P2RY8: variants seen among roughly 807,000 people sequenced by gnomAD.
P2RY8 encodes the protein P2Y receptor family member 8, also known as S-geranylgeranyl-glutathione receptor P2RY8.
In P2RY8, 6 loss-of-function variants were observed where a neutral mutation model predicts 10.0. The observed-to-expected ratio is 0.60, with a 90% CI of 0.33 to 1.19. The LOEUF is 1.19. Among genes scored for constraint, P2RY8 ranks in the 50% most tolerant of loss-of-function variants. P2RY8 has a pLI of 0.04. For missense variants in P2RY8, 456 were observed against 542.0 expected (o/e 0.84, Z 1.58); for synonymous variants, 276 against 252.5 (o/e 1.09, Z -0.88).
intron 1 of P2RY8, among the ~76,000 whole-genome samples, chrX:1,485,847 C>A (rs1603456840): frequency 1.3e-5 from 2 of 150,920 alleles, no homozygotes; most frequent in African/African-American, 4.9e-5. Context: ...TATAGATCAC[C>A]TTATGTGTAT....
rs1343798275 is a variant in P2RY8 at position 1,504,270 on chromosome X, G to GGC, written c.-25+32649_-25+32650dup. ...GGCGGAGGTTGCGGTGAGCCGAGAT[G>GGC]GCGCCACTGCACTCCAGCCTGGGCA... On this transcript the variant is annotated intron_variant, in intron 1 of 1. Transcript: ENST00000381297. 4.6e-5 allele frequency among the ~76,000 whole-genome samples: 7 copies of GGC among 151,384 alleles called. No homozygotes were observed. In the South Asian group the frequency reaches 1.3e-3, roughly 27 times the overall value.
intron 1 of P2RY8, among the ~76,000 whole-genome samples, chrX:1,512,130 A>G (rs2092302113): frequency 6.6e-6 from 1 of 151,986 alleles, no homozygotes; most frequent in Non-Finnish European, 1.5e-5. Flanking sequence ...TATAGCAAAC[A>G]ATGACCCCAC....
intron 1 of P2RY8, among the ~76,000 whole-genome samples, chrX:1,492,287 C>G (rs1462879432): frequency 6.6e-6 from 1 of 152,170 alleles, no homozygotes; most frequent in African/African-American, 2.4e-5. Context: ...CACCCTCACC[C>G]TGTTCATAAA....
intron 1 of P2RY8, among the ~76,000 whole-genome samples, chrX:1,489,713 C>A (rs1266285073): frequency 1.3e-5 from 2 of 149,842 alleles, no homozygotes; most frequent in Admixed American, 6.7e-5. Context: ...ATGAATGATA[C>A]CCAGATATTC....
intron 1 of P2RY8, among the ~76,000 whole-genome samples, chrX:1,532,990 G>A (rs1361451530): frequency 1.2e-5 from 1 of 86,140 alleles, no homozygotes; most frequent in East Asian, 4.0e-4. Flanking sequence ...GCAACAGAGT[G>A]AAACTCTGTC....
chrX:1,476,436 AAT>A (rs2091874376), intron 1 of P2RY8, among the ~76,000 whole-genome samples: 2 of 151,636 alleles, frequency 1.3e-5, no homozygotes, highest in African/African-American at 4.8e-5. Flanking sequence ...AGAAAAAAAA[AAT>A]TAGCCGGGCG....
intron 1 of P2RY8, among the ~76,000 whole-genome samples, chrX:1,501,595 T>TATC (rs2092180509): frequency 6.6e-6 from 1 of 151,904 alleles, no homozygotes; most frequent in African/African-American, 2.4e-5. Flanking sequence ...TTTTATTTTT[T>TATC]ATTATTATTA....
chrX:1,519,096 C>T (rs1367637343), intron 1 of P2RY8, among the ~76,000 whole-genome samples: 9 of 151,682 alleles, frequency 5.9e-5, no homozygotes, highest in Admixed American at 5.9e-4. Context: ...TTTCGGCTCC[C>T]CAATATTCTC....
At chrX:1,526,200 TCATC>T in intron 1 of P2RY8, among the ~76,000 whole-genome samples, 1 of 150,980 alleles carries the variant, frequency 6.6e-6, no homozygotes, top group African/African-American at 2.4e-5. Flanking sequence ...ATCCATCCAC[TCATC>T]CATCCATCTG....
chrX:1,517,650 C>T (rs1373361132), intron 1 of P2RY8, among the ~76,000 whole-genome samples: 17 of 152,248 alleles, frequency 1.1e-4, no homozygotes, highest in Non-Finnish European at 2.1e-4. Flanking sequence ...TGTCAGGGTC[C>T]TTCTGCCTGA....
intron 1 of P2RY8, among the ~76,000 whole-genome samples, chrX:1,503,186 G>A (rs1251773842): frequency 6.6e-6 from 1 of 152,068 alleles, no homozygotes; most frequent in Non-Finnish European, 1.5e-5. Context: ...GGGATGCCTG[G>A]AGCCCCCAGG....
chrX:1,504,277 C>G (rs1404867083), intron 1 of P2RY8, among the ~76,000 whole-genome samples: 1 of 150,872 alleles, frequency 6.6e-6, no homozygotes, highest in African/African-American at 2.4e-5. Flanking sequence ...GATGGCGCCA[C>G]TGCACTCCAG....
chrX:1,478,272 T>TGTGTGTGTGTGTGTGTGTGC (rs1318193075), intron 1 of P2RY8, among the ~76,000 whole-genome samples: 4,830 of 103,818 alleles, frequency 0.047, 102 homozygotes, highest in Middle Eastern at 0.082. Flanking sequence ...TGTGTGTGTG[T>TGTGTGTGTGTGTGTGTGTGC]GCCCAGCAGG....
chrX:1,486,228 A>G (rs2091984715), intron 1 of P2RY8, among the ~76,000 whole-genome samples: 1 of 152,142 alleles, frequency 6.6e-6, no homozygotes, highest in South Asian at 2.1e-4. Flanking sequence ...CAACAACAAC[A>G]AAAAATGGTT....
chrX:1,484,385 A>G (rs1217765012), intron 1 of P2RY8, among the ~76,000 whole-genome samples: 1 of 152,112 alleles, frequency 6.6e-6, no homozygotes, highest in East Asian at 1.9e-4. Flanking sequence ...GGATATTTTA[A>G]AAGATTTCAA....
intron 1 of P2RY8, among the ~76,000 whole-genome samples, chrX:1,499,404 G>A (rs1450724116): frequency 1.3e-5 from 2 of 152,016 alleles, no homozygotes; most frequent in East Asian, 1.9e-4. Context: ...GACCTCAGGT[G>A]ATCCTCCTGC....
intron 1 of P2RY8, among the ~76,000 whole-genome samples, chrX:1,485,492 A>G (rs1450244641): frequency 1.3e-5 from 2 of 151,966 alleles, no homozygotes; most frequent in Non-Finnish European, 2.9e-5. Context: ...ATTAAATTAA[A>G]TATTACCTTA....
intron 1 of P2RY8, among the ~76,000 whole-genome samples, chrX:1,509,002 T>TCATCCATA (rs1556682501): frequency 1.7e-5 from 2 of 116,506 alleles, no homozygotes; most frequent in Non-Finnish European, 3.6e-5. Context: ...CTGTATGTGT[T>TCATCCATA]CATCCATCCA....
intron 1 of P2RY8, among the ~76,000 whole-genome samples, chrX:1,509,729 GTATC>G (rs1206917418): frequency 1.3e-5 from 1 of 74,556 alleles, no homozygotes; most frequent in Non-Finnish European, 3.1e-5. Context: ...ATGCATCTAT[GTATC>G]TATCTATGTA....
Sources: gnomAD v4.1 joint callset for allele counts (sites outside exome capture counted in the v4.1 genomes callset) on GRCh38, gnomAD v4.1.1 for gene constraint, MANE v1.5 for transcripts, NCBI Gene and HGNC (gene_info 2026-07-23, HGNC 2026-07-21) for gene names.